MUSK: variants seen among roughly 807,000 people sequenced by gnomAD.
The protein encoded by MUSK is muscle associated receptor tyrosine kinase, also known as muscle, skeletal receptor tyrosine-protein kinase.
A neutral mutation model predicts 88.7 loss-of-function variants in MUSK; 55 were observed. That is an observed-to-expected ratio of 0.62 (90% CI 0.50 to 0.78). The LOEUF is 0.78. MUSK is among the 30% of genes least tolerant of loss of function. The probability of loss-of-function intolerance (pLI) is 0.00; values close to 1 mark genes in which losing one functional copy is unlikely to be tolerated. For missense variants in MUSK, 1,015 were observed against 1,074.3 expected, an observed-to-expected ratio of 0.94 and a Z score of 0.77; for synonymous variants, 387 against 391.9, an observed-to-expected ratio of 0.99 and a Z score of 0.15.
intron 7 of MUSK, among the ~76,000 whole-genome samples, chr9:110,754,037 G>A (rs2077281421): frequency 1.3e-5 from 2 of 152,184 alleles, no homozygotes; most frequent in South Asian, 4.1e-4. Context: ...TTACCACTCA[G>A]TGCTTCAACC....
chr9:110,804,077 C>T lies in MUSK; in HGVS notation c.*3089C>T, dbSNP rs2821142. Among the ~76,000 whole-genome samples, 56,956 of 151,954 alleles carry T rather than the reference C, an allele frequency of 0.37. 11,477 individuals carry two copies. The highest frequency in any genetic ancestry group is 0.47 in the Middle Eastern group (139 of 294). ...TTTCTTTTCATTTTACAGTATATTA[C>T]GAACCTGTTCCACGTCATTAAATAT... is the stretch of plus-strand genomic sequence containing the variant. On this transcript the variant is annotated 3_prime_UTR_variant, in exon 15 of 15. Transcript: ENST00000374448.
chr9:110,745,461 T>A (rs769697711), intron 6 of MUSK, among the ~76,000 whole-genome samples: 3 of 152,340 alleles, frequency 2.0e-5, no homozygotes, highest in Non-Finnish European at 2.9e-5. Context: ...TGGAAAGAGA[T>A]ATATAAACAA....
intron 3 of MUSK, among the ~76,000 whole-genome samples, chr9:110,688,708 T>C (rs931970972): frequency 6.6e-6 from 1 of 151,900 alleles, no homozygotes; most frequent in Non-Finnish European, 1.5e-5. Flanking sequence ...AGTGAGAACA[T>C]GCAGTGTTTG....
rs1013819 is a variant in MUSK at position 110,762,079 on chromosome 9, A to C, written c.914-123A>C. ...TCCTAGCAGAAGCGGAGAACTTTTC[A>C]GAAACTTAGAGATCAGTAGTATCAA... On this transcript the variant is annotated intron_variant, in intron 7 of 14. Transcript: ENST00000374448. 9.9e-4 allele frequency: 1,035 copies of C among 1,049,732 alleles called. 3 individuals are homozygous for C. The Middle Eastern group carries it at 0.012, about 12-fold the overall frequency. The allele number at this position is 1,049,732 out of a possible 1,614,324, so 65.0% of individuals were successfully genotyped here.
chr9:110,789,891 G>A (rs1255030828), intron 14 of MUSK, among the ~76,000 whole-genome samples: 1 of 152,166 alleles, frequency 6.6e-6, no homozygotes, highest in Non-Finnish European at 1.5e-5. Flanking sequence ...AGGATGATCT[G>A]GTTAGACATG....
rs1479094069 is a variant in MUSK, at chr9:110,782,744, G to T, written c.1385-2071G>T. On this transcript the variant is annotated intron_variant, in intron 11 of 14. Transcript: ENST00000374448. ...ACCCATCTTAGATCGAGAAAACTTG[G>T]GATGACTCAGTCCAAAGAGAATCAG... is the stretch of plus-strand genomic sequence containing the variant. Among the ~76,000 whole-genome samples the T allele has an allele frequency of 2.0e-5, 3 of 152,212 alleles. No homozygotes were observed. The East Asian group carries it at 5.8e-4, about 29-fold the overall frequency.
At chr9:110,710,541 G>T (rs985543033) in intron 5 of MUSK, among the ~76,000 whole-genome samples, 9 of 152,050 alleles carry the variant, frequency 5.9e-5, no homozygotes, top group Non-Finnish European at 1.3e-4. Flanking sequence ...CTGCTCATCT[G>T]GTCTCCAAAG....
chr9:110,683,507 T>A lies in MUSK; in HGVS notation c.206+707T>A, dbSNP rs550285559. Among the ~76,000 whole-genome samples, 3 of 152,246 alleles carry A rather than the reference T, an allele frequency of 2.0e-5. No individual in the cohort carries two copies. In the South Asian group the frequency reaches 6.2e-4, roughly 32 times the overall value. ...TTGCTTATATATGCAGCAGTGGGGT[T>A]GCTGGATCATATGGTAGCTCAATTT... On this transcript the variant is annotated intron_variant, in intron 2 of 14. Coordinates refer to ENST00000374448, the MANE Select transcript of MUSK (RefSeq NM_005592.4).
chr9:110,677,069 C>T (rs779573952), intron 1 of MUSK, among the ~76,000 whole-genome samples: 1 of 152,094 alleles, frequency 6.6e-6, no homozygotes, highest in Non-Finnish European at 1.5e-5. Context: ...TCCTCTGAGC[C>T]CCACATAAAT....
At chr9:110,798,821 C>T (rs1034373937) in intron 14 of MUSK, among the ~76,000 whole-genome samples, 2 of 152,020 alleles carry the variant, frequency 1.3e-5, no homozygotes, top group African/African-American at 4.8e-5. Flanking sequence ...TAAATTATAT[C>T]TATACACATG....
chr9:110,775,745 A>T (rs1291504894), intron 9 of MUSK, 43 bp from the exon 10 acceptor site: 1 of 1,583,698 alleles, frequency 6.3e-7, no homozygotes, highest in South Asian at 1.1e-5. Flanking sequence ...TTGCTTTAAC[A>T]TGTAATGATT....
intron 11 of MUSK, among the ~76,000 whole-genome samples, chr9:110,777,567 TA>T (rs900942971): frequency 2.6e-5 from 4 of 151,726 alleles, no homozygotes; most frequent in African/African-American, 4.8e-5. Flanking sequence ...ATCGAAGGAA[TA>T]AAAAAAAATT....
At chr9:110,697,540 C>G in intron 5 of MUSK, 74 bp downstream of exon 5, 10 of 1,486,610 alleles carry the variant, frequency 6.7e-6, no homozygotes, top group Non-Finnish European at 8.1e-6. Flanking sequence ...TGCACCTGGG[C>G]TTGGGAGAGA....
At chr9:110,732,601 T>C (rs557017120) in intron 5 of MUSK, among the ~76,000 whole-genome samples, 2 of 152,222 alleles carry the variant, frequency 1.3e-5, no homozygotes, top group African/African-American at 4.8e-5. Context: ...ATCTCCATAG[T>C]GTTCTTTGAA....
At chr9:110,713,313 G>A (rs1474736976) in intron 5 of MUSK, among the ~76,000 whole-genome samples, 2 of 147,214 alleles carry the variant, frequency 1.4e-5, no homozygotes, top group African/African-American at 2.5e-5. Context: ...AGGCTGAAGT[G>A]CAGTGGTGCA....
chr9:110,765,888 TTATGCTTAGGTTCAATGAAG>T (rs1204182582), intron 8 of MUSK, among the ~76,000 whole-genome samples: 1 of 152,100 alleles, frequency 6.6e-6, no homozygotes, highest in Non-Finnish European at 1.5e-5. Context: ...CAATCCATTT[TTATGCTTAGGTTCAATGAAG>T]TATGAACAGC....
At chr9:110,670,564 T>C (rs1394269139) in intron 1 of MUSK, among the ~76,000 whole-genome samples, 1 of 152,178 alleles carries the variant, frequency 6.6e-6, no homozygotes, top group African/African-American at 2.4e-5. Context: ...ATTTCCAAAC[T>C]TTACAAATAA....
Position 110,775,828 on chromosome 9 carries a change from G to C in MUSK, c.1225G>C (p.Glu409Gln). 1 of 1,613,878 alleles carries C rather than the reference G, an allele frequency of 6.2e-7. No individual in the cohort carries two copies. Among genetic ancestry groups the C allele is most frequent in the South Asian group, 1.1e-5 (1 of 91,082 alleles). The change falls in exon 10 of 15, where the codon GAA becomes CAA. Residue 409 changes from glutamate (E) to glutamine (Q), a missense_variant. By Grantham distance (29) the Glu-to-Gln change is conservative. Transcript: ENST00000374448. ...AGTAAAGGAGCTCTTCTGCGCAAAA[G>C]AATGGCTGGTAATGGAAGAGAAGAC... ...LAVKELFCAK[E>Q]WLVMEEKTHR...
chr9:110,734,625 G>A (rs1015096033), intron 6 of MUSK, among the ~76,000 whole-genome samples: 12 of 152,068 alleles, frequency 7.9e-5, no homozygotes, highest in East Asian at 1.9e-4. Flanking sequence ...GTGTAAATGG[G>A]AAGTGGTAAT....
Sources: allele counts gnomAD v4.1 joint callset (sites outside exome capture counted in the v4.1 genomes callset), GRCh38; gene constraint gnomAD v4.1.1; transcripts MANE v1.5; gene names NCBI Gene and HGNC (gene_info 2026-07-23, HGNC 2026-07-21).